The following TAF2 variants were observed in gnomAD, a reference collection of about 807,000 sequenced individuals.
TAF2 encodes TATA-box binding protein associated factor 2, also known as transcription initiation factor TFIID subunit 2.
A neutral mutation model predicts 138.5 loss-of-function variants in TAF2; 61 were observed. The observed-to-expected ratio is 0.44, with a 90% CI of 0.36 to 0.54. The LOEUF (loss-of-function observed/expected upper bound fraction) is 0.54. TAF2 is among the 20% of genes least tolerant of loss of function. TAF2 has a pLI of 0.00. For synonymous variants in TAF2, 475 were observed against 469.9 expected (o/e 1.01, Z -0.14); for missense variants, 1,090 against 1,427.9 (o/e 0.76, Z 3.81).
intron 22 of TAF2, among the ~76,000 whole-genome samples, chr8:119,750,645 A>AC (rs984156108): frequency 1.3e-4 from 20 of 152,208 alleles, no homozygotes. Flanking sequence ...ATTTTCTTCA[A>AC]CCATTTCCAT....
At chr8:119,778,914 C>G (rs1379640431) in intron 17 of TAF2, among the ~76,000 whole-genome samples, 1 of 152,122 alleles carries the variant, frequency 6.6e-6, no homozygotes, top group Non-Finnish European at 1.5e-5. Flanking sequence ...TATGGACTAG[C>G]CCCTCTTCTT....
At chr8:119,794,788 C>T (rs1823705222) in intron 9 of TAF2, among the ~76,000 whole-genome samples, 1 of 152,034 alleles carries the variant, frequency 6.6e-6, no homozygotes, top group African/African-American at 2.4e-5. Flanking sequence ...ACCTTAATAG[C>T]TCTAGGTGTT....
intron 9 of TAF2, 77 bp downstream of exon 9, chr8:119,795,455 T>C: frequency 7.9e-7 from 1 of 1,270,324 alleles, no homozygotes; most frequent in South Asian, 1.2e-5. Context: ...TCAAGCAGTA[T>C]TTTAAAAGTA....
chr8:119,780,162 C>T (rs1352270755), intron 17 of TAF2, among the ~76,000 whole-genome samples: 5 of 151,436 alleles, frequency 3.3e-5, no homozygotes, highest in Non-Finnish European at 5.9e-5. Flanking sequence ...TATGAAATTA[C>T]TAAAAAAAAA....
intron 3 of TAF2, among the ~76,000 whole-genome samples, chr8:119,818,351 C>T (rs1172215567): frequency 6.6e-6 from 1 of 152,162 alleles, no homozygotes; most frequent in Non-Finnish European, 1.5e-5. Context: ...GGCATTATAC[C>T]TCTAGACTAG....
rs533103516 is a variant in TAF2, at chr8:119,741,650, A to T, written c.3337+884T>A. Among the ~76,000 whole-genome samples the T allele has an allele frequency of 6.8e-4, 103 of 152,346 alleles. 3 individuals are homozygous for T. In the South Asian group the frequency reaches 0.012, roughly 18 times the overall value. On this transcript the variant is annotated intron_variant, in intron 25 of 25. Coordinates refer to ENST00000378164, the MANE Select transcript of TAF2 (RefSeq NM_003184.4). Reference sequence around the variant, plus strand: ...TGAAGTCCCCTGTTAATAACAGTTAATTTATAAGCTTCTCAAAGCAATAAA... The same window carrying T: ...TGAAGTCCCCTGTTAATAACAGTTATTTTATAAGCTTCTCAAAGCAATAAA...
At chr8:119,740,777 CTAT>C (rs1185606529) in intron 25 of TAF2, among the ~76,000 whole-genome samples, 1 of 151,470 alleles carries the variant, frequency 6.6e-6, no homozygotes, top group Non-Finnish European at 1.5e-5. Context: ...CTTCAAAACA[CTAT>C]TATTTGTAAA....
intron 7 of TAF2, 42 bp from the exon 8 acceptor site, chr8:119,797,145 T>C: frequency 7.7e-7 from 1 of 1,303,880 alleles, no homozygotes; most frequent in Non-Finnish European, 1.1e-6. Flanking sequence ...AACCAAGAAA[T>C]AAATACTTAT....
chr8:119,793,909 A>G (rs977330063), intron 9 of TAF2, among the ~76,000 whole-genome samples: 4 of 149,582 alleles, frequency 2.7e-5, no homozygotes, highest in Admixed American at 1.3e-4. Context: ...AACAGAAAAA[A>G]AAAGGGGGGG....
chr8:119,740,720 G>A (rs568637707), intron 25 of TAF2, among the ~76,000 whole-genome samples: 12 of 143,556 alleles, frequency 8.4e-5, no homozygotes, highest in Non-Finnish European at 1.7e-4. Flanking sequence ...ACTACCTATA[G>A]AAAAACTGCA....
At chr8:119,743,134 C>G (rs1227380115) in intron 24 of TAF2, among the ~76,000 whole-genome samples, 7 of 151,896 alleles carry the variant, frequency 4.6e-5, no homozygotes, top group Admixed American at 4.6e-4. Context: ...TACAGTTACT[C>G]TAAAAGTTCT....
chr8:119,732,825 C>T (rs182199261), intron 25 of TAF2, among the ~76,000 whole-genome samples: 36 of 152,120 alleles, frequency 2.4e-4, no homozygotes, highest in Admixed American at 1.3e-3. Context: ...AAACAAAAAA[C>T]GACCAACATT....
At chr8:119,782,096 C>A (rs1822703972) in intron 16 of TAF2, among the ~76,000 whole-genome samples, 1 of 152,190 alleles carries the variant, frequency 6.6e-6, no homozygotes, top group Non-Finnish European at 1.5e-5. Flanking sequence ...TTTGAATAGT[C>A]TGTCTTTATT....
At chr8:119,755,285 T>A (rs1049298809) in intron 22 of TAF2, among the ~76,000 whole-genome samples, 2 of 152,156 alleles carry the variant, frequency 1.3e-5, no homozygotes, top group African/African-American at 4.8e-5. Context: ...GGCGGGTGGA[T>A]CAGGAGTTTG....
intron 3 of TAF2, among the ~76,000 whole-genome samples, chr8:119,812,769 ATGGTGTATGTGTG>A (rs1419507903): frequency 6.7e-6 from 1 of 148,780 alleles, no homozygotes; most frequent in Non-Finnish European, 1.5e-5. Context: ...GTGTGTATAT[ATGGTGTATGTGTG>A]TGTGTATATA....
chr8:119,798,218 C>T (rs1823968960), intron 6 of TAF2, among the ~76,000 whole-genome samples: 1 of 151,988 alleles, frequency 6.6e-6, no homozygotes, highest in African/African-American at 2.4e-5. Context: ...GAATAATGCA[C>T]GTTATAGTAC....
chr8:119,731,852 C>A lies in TAF2; in HGVS notation c.*72G>T, dbSNP rs2130959083. 6.8e-7 allele frequency: 1 copy of A among 1,472,766 alleles called. No individual in the cohort carries two copies. The highest frequency in any genetic ancestry group is 9.5e-7 in the Non-Finnish European group (1 of 1,053,568). The allele number at this position is 1,472,766 out of a possible 1,614,324, so 91.2% of individuals were successfully genotyped here. Reference sequence around the variant, plus strand: ...CCTTTCCCCCCTCCCTTTTATAATTCTTCACAGAGGACAAAGCTTTAGTTA... The same window carrying A: ...CCTTTCCCCCCTCCCTTTTATAATTATTCACAGAGGACAAAGCTTTAGTTA... On this transcript the variant is annotated 3_prime_UTR_variant, in exon 26 of 26. Coordinates refer to ENST00000378164, the MANE Select transcript of TAF2 (RefSeq NM_003184.4).
At chr8:119,825,519 G>A (rs1826039741) in intron 2 of TAF2, among the ~76,000 whole-genome samples, 1 of 152,160 alleles carries the variant, frequency 6.6e-6, no homozygotes, top group African/African-American at 2.4e-5. Context: ...AGATTTGGGA[G>A]GGGCCAGGGG....
At chr8:119,780,119 G>A (rs932113005) in intron 17 of TAF2, among the ~76,000 whole-genome samples, 6 of 148,664 alleles carry the variant, frequency 4.0e-5, no homozygotes, top group Non-Finnish European at 7.4e-5. Flanking sequence ...CTCCTTTCTA[G>A]TTCAATCTAG....
Sources: allele counts gnomAD v4.1 joint callset (sites outside exome capture counted in the v4.1 genomes callset), GRCh38; gene constraint gnomAD v4.1.1; transcripts MANE v1.5; gene names NCBI Gene and HGNC (gene_info 2026-07-23, HGNC 2026-07-21).